The following ADAM18 variants were observed in gnomAD, a reference collection of about 807,000 sequenced individuals.
The protein encoded by ADAM18 is disintegrin and metalloproteinase domain-containing protein 18.
ADAM18 carries 117 observed loss-of-function variants against 94.4 expected under a neutral mutation model. The ratio of observed to expected loss-of-function variants is 1.24; its 90% CI spans 1.07 to 1.45. The LOEUF (loss-of-function observed/expected upper bound fraction) is 1.45, where lower values mean the gene tolerates loss of function less well. Among genes scored for constraint, ADAM18 ranks in the 40% most tolerant of loss-of-function variants. ADAM18 has a pLI of 0.00. For synonymous variants in ADAM18, 327 were observed against 291.6 expected, an observed-to-expected ratio of 1.12 and a Z score of -1.24; for missense variants, 936 against 880.0, an observed-to-expected ratio of 1.06 and a Z score of -0.81.
intron 18 of ADAM18, among the ~76,000 whole-genome samples, chr8:39,722,217 G>GTGTA (rs1822777714): frequency 1.1e-5 from 1 of 91,544 alleles, no homozygotes; most frequent in Non-Finnish European, 2.0e-5. Context: ...GTGTGTGTGT[G>GTGTA]TATATATATA....
At chr8:39,660,890 G>C (rs1490015661) in intron 12 of ADAM18, among the ~76,000 whole-genome samples, 1 of 152,128 alleles carries the variant, frequency 6.6e-6, no homozygotes, top group African/African-American at 2.4e-5. Context: ...CCCTGAAGTT[G>C]CCATCTTTAG....
intron 13 of ADAM18, 72 bp from the exon 14 acceptor site, chr8:39,667,926 A>G: frequency 1.4e-6 from 2 of 1,444,578 alleles, no homozygotes; most frequent in Non-Finnish European, 1.9e-6. Context: ...ATTTTATGTG[A>G]TAAATCTTTT....
intron 18 of ADAM18, among the ~76,000 whole-genome samples, chr8:39,714,270 C>T (rs1822505961): frequency 6.6e-6 from 1 of 152,100 alleles, no homozygotes; most frequent in African/African-American, 2.4e-5. Flanking sequence ...CAGGGAACAT[C>T]ACACACCAGG....
chr8:39,614,714 C>T (rs72641297), intron 6 of ADAM18, among the ~76,000 whole-genome samples: 88,204 of 152,042 alleles, frequency 0.58, 27,248 homozygotes, highest in Non-Finnish European at 0.7. Context: ...CTTCAAGGGA[C>T]CCATTTCACA....
chr8:39,601,694 A>C (rs1455049762), intron 2 of ADAM18, among the ~76,000 whole-genome samples: 2 of 152,198 alleles, frequency 1.3e-5, no homozygotes, highest in Non-Finnish European at 2.9e-5. Context: ...CATAAGATAA[A>C]ATATACCACT....
intron 14 of ADAM18, among the ~76,000 whole-genome samples, chr8:39,671,265 T>C (rs1397201930): frequency 6.6e-6 from 1 of 152,154 alleles, no homozygotes; most frequent in African/African-American, 2.4e-5. Flanking sequence ...TCTCAGCAGA[T>C]TGGGATAGTA....
intron 14 of ADAM18, among the ~76,000 whole-genome samples, chr8:39,670,215 G>A (rs1299088012): frequency 6.6e-6 from 1 of 151,932 alleles, no homozygotes; most frequent in African/African-American, 2.4e-5. Flanking sequence ...CTGGATATTA[G>A]CCCTTTGTCA....
intron 16 of ADAM18, among the ~76,000 whole-genome samples, chr8:39,681,060 T>G (rs887525707): frequency 6.6e-6 from 1 of 152,196 alleles, no homozygotes; most frequent in Non-Finnish European, 1.5e-5. Flanking sequence ...GCCTGTGGAC[T>G]GCATCTAATG....
At chr8:39,695,415 T>C (rs1821895955) in intron 17 of ADAM18, among the ~76,000 whole-genome samples, 1 of 151,562 alleles carries the variant, frequency 6.6e-6, no homozygotes, top group African/African-American at 2.4e-5. Flanking sequence ...TTTTCAGCGA[T>C]TGGGATTTTA....
At chr8:39,646,391 TTAAAA>T in intron 11 of ADAM18, among the ~76,000 whole-genome samples, 1 of 151,496 alleles carries the variant, frequency 6.6e-6, no homozygotes, top group African/African-American at 2.5e-5. Flanking sequence ...ATTAAAACAA[TTAAAA>T]TAATCAGGTG....
intron 19 of ADAM18, among the ~76,000 whole-genome samples, chr8:39,725,757 T>C (rs1254459179): frequency 2.0e-5 from 3 of 152,190 alleles, no homozygotes; most frequent in Admixed American, 6.5e-5. Flanking sequence ...TTACCCATGA[T>C]GGACATTTAG....
At chr8:39,668,342 T>A (rs1413922105) in intron 14 of ADAM18, 146 bp downstream of exon 14, 14 of 752,230 alleles carry the variant, frequency 1.9e-5, no homozygotes, top group Non-Finnish European at 2.4e-5. Context: ...AGTAGTTTTT[T>A]AAGAGTATCT....
intron 7 of ADAM18, among the ~76,000 whole-genome samples, chr8:39,635,856 C>T (rs1439068162): frequency 6.6e-6 from 1 of 152,068 alleles, no homozygotes; most frequent in Non-Finnish European, 1.5e-5. Flanking sequence ...CCAAAAAAGA[C>T]CTTTTCTTGT....
Position 39,635,345 on chromosome 8 carries a change from T to A in ADAM18, c.589-1919T>A, listed in dbSNP as rs562932573. On this transcript the variant is annotated intron_variant, in intron 7 of 19. Transcript: ENST00000265707. ...ACACATTCTTTTATCTTTTAAAAAT[T>A]GGTATATTTGTAGTATCAGCATTTC... Among the ~76,000 whole-genome samples, 13 of 152,344 alleles carry A rather than the reference T, an allele frequency of 8.5e-5. No homozygotes were observed. The East Asian group carries it at 2.5e-3, about 29-fold the overall frequency.
At chr8:39,665,017 C>T (rs1820957486) in intron 13 of ADAM18, among the ~76,000 whole-genome samples, 1 of 151,990 alleles carries the variant, frequency 6.6e-6, no homozygotes, top group Non-Finnish European at 1.5e-5. Context: ...CATATTTAAG[C>T]TTATAACTAG....
intron 3 of ADAM18, among the ~76,000 whole-genome samples, chr8:39,607,483 T>G (rs2129578383): frequency 6.6e-6 from 1 of 152,320 alleles, no homozygotes; most frequent in South Asian, 2.1e-4. Context: ...CACGTTTACT[T>G]TTCTTCCTCT....
intron 15 of ADAM18, among the ~76,000 whole-genome samples, chr8:39,678,893 G>C (rs79785905): frequency 0.012 from 1,887 of 152,274 alleles, 19 homozygotes; most frequent in South Asian, 0.021. Context: ...AGAAAAAATA[G>C]TTCTAAGAAT....
At position 39,591,919 on chromosome 8, in the gene ADAM18, G is replaced by A. The variant is rs140034970; in HGVS notation, c.132+6567G>A. Among the ~76,000 whole-genome samples the A allele has an allele frequency of 6.6e-5, 10 of 152,280 alleles. No individual in the cohort carries two copies. In the East Asian group the frequency reaches 1.7e-3, roughly 26 times the overall value. The stretch of plus-strand genomic sequence containing the variant: ...TGCAGAATGGACGCTGTGTTCGCAG[G>A]CAGGAAAACAGCCTTAATTTCCTTG... On this transcript the variant is annotated intron_variant, in intron 2 of 19. Transcript: ENST00000265707.
At chr8:39,599,810 T>G (rs1029096503) in intron 2 of ADAM18, among the ~76,000 whole-genome samples, 2 of 151,764 alleles carry the variant, frequency 1.3e-5, no homozygotes, top group Admixed American at 6.6e-5. Flanking sequence ...TTCTAGCAAC[T>G]TTTTTCATAT....
Sources: gnomAD v4.1 joint callset for allele counts (sites outside exome capture counted in the v4.1 genomes callset) on GRCh38, gnomAD v4.1.1 for gene constraint, MANE v1.5 for transcripts, NCBI Gene and HGNC (gene_info 2026-07-23, HGNC 2026-07-21) for gene names.